The following CFAP61 variants were observed in gnomAD, a reference collection of about 807,000 sequenced individuals.
CFAP61 encodes the protein cilia and flagella associated protein 61, also known as cilia- and flagella-associated protein 61.
Under a neutral mutation model 135.6 loss-of-function variants are expected in CFAP61, and 107 were observed. The ratio of observed to expected loss-of-function variants is 0.79; its 90% confidence interval spans 0.67 to 0.93. CFAP61 has a LOEUF of 0.93. Ranked by LOEUF, CFAP61 falls within the 40% of genes least tolerant of loss-of-function variation. The probability of loss-of-function intolerance (pLI) is 0.00; values close to 1 mark genes in which losing one functional copy is unlikely to be tolerated. For missense variants in CFAP61, 1,507 were observed against 1,556.2 expected (o/e 0.97, Z 0.53); for synonymous variants, 575 against 578.5 (o/e 0.99, Z 0.09).
chr20:20,212,613 A>G lies in CFAP61; in HGVS notation c.1932+12711A>G, dbSNP rs542457279. Among the ~76,000 whole-genome samples the G allele has an allele frequency of 8.5e-5, 13 of 152,080 alleles. No individual in the cohort carries two copies. In the East Asian group the frequency reaches 1.4e-3, roughly 16 times the overall value. Reference sequence around the variant, plus strand: ...TGCTTTTTGTCCATGAGCCCGATAAACACCATGGCTTTTGTACCTGCTTTT... The same window carrying G: ...TGCTTTTTGTCCATGAGCCCGATAAGCACCATGGCTTTTGTACCTGCTTTT... On this transcript the variant is annotated intron_variant, in intron 17 of 26. Coordinates refer to ENST00000245957, the MANE Select transcript of CFAP61 (RefSeq NM_015585.4).
intron 8 of CFAP61, among the ~76,000 whole-genome samples, chr20:20,108,754 G>A (rs2048584536): frequency 1.7e-5 from 2 of 117,694 alleles, no homozygotes; most frequent in African/African-American, 3.4e-5. Context: ...CCATGTCAAC[G>A]TAAGTTGCCA....
chr20:20,053,889 C>T (rs1600280524), intron 1 of CFAP61, among the ~76,000 whole-genome samples: 1 of 152,144 alleles, frequency 6.6e-6, no homozygotes, highest in African/African-American at 2.4e-5. Flanking sequence ...TTGGTTTAAT[C>T]ATCTGTTGCC....
At chr20:20,131,745 A>G (rs1391965391) in intron 8 of CFAP61, among the ~76,000 whole-genome samples, 1 of 151,790 alleles carries the variant, frequency 6.6e-6, no homozygotes, top group Non-Finnish European at 1.5e-5. Flanking sequence ...CTTTTCTTCC[A>G]TACTAATATA....
chr20:20,096,630 T>A (rs944141321), intron 7 of CFAP61, among the ~76,000 whole-genome samples: 1 of 152,252 alleles, frequency 6.6e-6, no homozygotes, highest in Non-Finnish European at 1.5e-5. Flanking sequence ...CATCTCCATG[T>A]GAACCAAGAT....
At chr20:20,162,165 C>A (rs1213921429) in intron 10 of CFAP61, among the ~76,000 whole-genome samples, 1 of 152,144 alleles carries the variant, frequency 6.6e-6, no homozygotes, top group African/African-American at 2.4e-5. Context: ...AGCGCAGCAT[C>A]TTCCTCCCTC....
chr20:20,170,033 G>GTCCCTGCCTTT (rs1476292309), intron 13 of CFAP61, among the ~76,000 whole-genome samples: 1 of 152,198 alleles, frequency 6.6e-6, no homozygotes, highest in Non-Finnish European at 1.5e-5. Flanking sequence ...TGTAGACATG[G>GTCCCTGCCTTT]TCCCTGCCTT....
At chr20:20,280,407 T>C (rs1307199919) in intron 22 of CFAP61, among the ~76,000 whole-genome samples, 1 of 152,190 alleles carries the variant, frequency 6.6e-6, no homozygotes, top group Non-Finnish European at 1.5e-5. Flanking sequence ...TAAATTTCTC[T>C]TGTCTTGAGC....
chr20:20,258,727 GC>G (rs1265491376), intron 20 of CFAP61, among the ~76,000 whole-genome samples: 2 of 152,206 alleles, frequency 1.3e-5, no homozygotes, highest in Non-Finnish European at 2.9e-5. Flanking sequence ...GGAGACAGGA[GC>G]CTGCTGCCAG....
intron 13 of CFAP61, among the ~76,000 whole-genome samples, chr20:20,180,824 CA>C (rs1200109581): frequency 1.3e-5 from 2 of 152,046 alleles, no homozygotes; most frequent in African/African-American, 4.8e-5. Context: ...ACTATGCAGC[CA>C]TAAAAAAGAA....
At chr20:20,063,448 T>TA (rs1215283031) in intron 2 of CFAP61, among the ~76,000 whole-genome samples, 3 of 152,198 alleles carry the variant, frequency 2.0e-5, no homozygotes, top group Non-Finnish European at 2.9e-5. Context: ...ATGATTGGCT[T>TA]AATACTAGAA....
At chr20:20,173,874 G>A (rs1426388607) in intron 13 of CFAP61, among the ~76,000 whole-genome samples, 1 of 152,188 alleles carries the variant, frequency 6.6e-6, no homozygotes, top group African/African-American at 2.4e-5. Context: ...CGATCTGACT[G>A]TAGTAGCGGC....
At chr20:20,139,712 A>G (rs1253829199) in intron 8 of CFAP61, among the ~76,000 whole-genome samples, 2 of 152,194 alleles carry the variant, frequency 1.3e-5, no homozygotes, top group African/African-American at 4.8e-5. Context: ...GCTGCTTAGT[A>G]ATAAACTGCA....
chr20:20,356,241 A>AG (rs372102776), intron 26 of CFAP61, among the ~76,000 whole-genome samples: 1 of 39,742 alleles, frequency 2.5e-5, no homozygotes, highest in African/African-American at 7.6e-5. Context: ...CACTGAGGGG[A>AG]GGGGTCATAC....
intron 16 of CFAP61, among the ~76,000 whole-genome samples, 188 bp from the exon 17 acceptor site, chr20:20,199,580 A>G (rs953652688): frequency 6.6e-6 from 1 of 152,022 alleles, no homozygotes; most frequent in African/African-American, 2.4e-5. Context: ...AATTATCTTC[A>G]TTAGTGTCAG....
rs1232814017 is a variant in CFAP61 at position 20,054,027 on chromosome 20, T to TGTTTTTG, written c.-37+1436_-37+1437insGTTTTTG. 4.1e-3 allele frequency among the ~76,000 whole-genome samples: 609 copies of TGTTTTTG among 149,876 alleles called. 6 individuals carry two copies. Among genetic ancestry groups the TGTTTTTG allele is most frequent in the African/African-American group, 0.013 (530 of 41,120 alleles). On this transcript the variant is annotated intron_variant, in intron 1 of 26. Coordinates refer to ENST00000245957, the MANE Select transcript of CFAP61 (RefSeq NM_015585.4). ...TTTTTTTGTTTGTTTTTTTTTTTTTTTTTTTTTAGGAAAAATGTATTATCC... is the reference window on the plus strand; with the variant it reads ...TTTTTTTGTTTGTTTTTTTTTTTTTTGTTTTTGTTTTTTTAGGAAAAATGTATTATCC...
chr20:20,123,017 A>C (rs762432851), intron 8 of CFAP61, among the ~76,000 whole-genome samples: 6 of 151,744 alleles, frequency 4.0e-5, no homozygotes, highest in Non-Finnish European at 5.9e-5. Context: ...TTCCCTGATC[A>C]TTAGTGATGT....
chr20:20,085,258 A>G, intron 6 of CFAP61: 1 of 985,446 alleles, frequency 1.0e-6, no homozygotes, highest in Non-Finnish European at 1.2e-6. Context: ...GTCACGTTGA[A>G]ACATTTGACT....
Position 20,343,179 on chromosome 20 carries a change from T to C in CFAP61, c.3513+1258T>C, listed in dbSNP as rs557015700. The stretch of plus-strand genomic sequence containing the variant: ...ACCAGCTTAGAGATTTTAAATCAGC[T>C]CCATGGTAACACAGCAAGCTTCACA... On this transcript the variant is annotated intron_variant, in intron 26 of 26. Coordinates refer to ENST00000245957, the MANE Select transcript of CFAP61 (RefSeq NM_015585.4). Among the ~76,000 whole-genome samples the C allele has an allele frequency of 2.6e-5, 4 of 152,200 alleles. No homozygotes were observed. The South Asian group carries it at 8.3e-4, about 32-fold the overall frequency.
chr20:20,146,080 G>T (rs1177438866), intron 9 of CFAP61, among the ~76,000 whole-genome samples: 4 of 152,186 alleles, frequency 2.6e-5, no homozygotes, highest in Non-Finnish European at 5.9e-5. Context: ...GAACAATGTG[G>T]ATCTTGTGGG....
Sources: allele counts gnomAD v4.1 joint callset (sites outside exome capture counted in the v4.1 genomes callset), GRCh38; gene constraint gnomAD v4.1.1; transcripts MANE v1.5; gene names NCBI Gene and HGNC (gene_info 2026-07-23, HGNC 2026-07-21).